SYN3: variants seen among roughly 807,000 people sequenced by gnomAD.
The protein encoded by SYN3 is synapsin-3.
In SYN3, 35 loss-of-function variants were observed where a neutral mutation model predicts 65.8. That is an observed-to-expected ratio of 0.53 (90% CI 0.41 to 0.70). The LOEUF is 0.70. Among genes scored for constraint, SYN3 ranks in the 30% least tolerant of loss-of-function variants. SYN3 has a pLI of 0.00. For missense variants in SYN3, 680 were observed against 749.0 expected (o/e 0.91, Z 1.08); for synonymous variants, 270 against 292.9 (o/e 0.92, Z 0.80).
intron 3 of SYN3, among the ~76,000 whole-genome samples, chr22:32,963,703 G>A (rs1434441093): frequency 1.3e-5 from 2 of 152,172 alleles, no homozygotes; most frequent in Non-Finnish European, 2.9e-5. Flanking sequence ...GAAAAGAGAG[G>A]TGGTGAGAAA....
intron 4 of SYN3, 80 bp downstream of exon 4, chr22:32,931,310 G>C: frequency 1.1e-6 from 1 of 921,312 alleles, no homozygotes. Context: ...TAGGTCGCAG[G>C]AAGTGGACGG....
intron 6 of SYN3, among the ~76,000 whole-genome samples, chr22:32,792,507 A>G (rs1335918432): frequency 6.6e-6 from 1 of 152,182 alleles, no homozygotes; most frequent in Non-Finnish European, 1.5e-5. Context: ...TAGCTGTTAA[A>G]ATATACTGAT....
rs113942464 is a variant in SYN3, at chr22:33,046,927, G to A, written c.-163+11365C>T. Among the ~76,000 whole-genome samples, 92 of 149,036 alleles carry A rather than the reference G, an allele frequency of 6.2e-4. 1 individual carries two copies. The Middle Eastern group carries it at 0.014, about 23-fold the overall frequency. ...CAGGCCTGGCTTTGGGAACCTCTCTGAAGACATCTTCTCCAACTCTCCCTT... is the reference window on the plus strand; with the variant it reads ...CAGGCCTGGCTTTGGGAACCTCTCTAAAGACATCTTCTCCAACTCTCCCTT... On this transcript the variant is annotated intron_variant, in intron 1 of 13. Transcript: ENST00000358763.
At chr22:32,991,350 T>TAATAATAATAATA (rs1308345758) in intron 2 of SYN3, among the ~76,000 whole-genome samples, 1 of 147,710 alleles carries the variant, frequency 6.8e-6, no homozygotes, top group Non-Finnish European at 1.5e-5. Flanking sequence ...ATAATAATAA[T>TAATAATAATAATA]AATAATAATA....
At chr22:32,529,190 G>A in intron 10 of SYN3, 182 bp from the exon 11 acceptor site, 1 of 658,624 alleles carries the variant, frequency 1.5e-6, no homozygotes, top group Non-Finnish European at 2.6e-6. Context: ...CTTCGGTTCA[G>A]TCTAAACCAC....
At chr22:32,755,288 G>A (rs1384090313) in intron 6 of SYN3, among the ~76,000 whole-genome samples, 1 of 152,190 alleles carries the variant, frequency 6.6e-6, no homozygotes, top group African/African-American at 2.4e-5. Flanking sequence ...GCATCTCCAG[G>A]TTCAAAACAG....
intron 4 of SYN3, among the ~76,000 whole-genome samples, chr22:32,872,350 T>C (rs1262098088): frequency 6.6e-6 from 1 of 152,174 alleles, no homozygotes; most frequent in Non-Finnish European, 1.5e-5. Flanking sequence ...GAGGGATCAC[T>C]TTCCCTGCGA....
At chr22:32,848,020 A>G (rs2048118277) in intron 6 of SYN3, among the ~76,000 whole-genome samples, 1 of 151,904 alleles carries the variant, frequency 6.6e-6, no homozygotes, top group Admixed American at 6.6e-5. Context: ...AATGAATGTT[A>G]CTCTCTGCAA....
At chr22:32,662,463 C>T (rs987107893) in intron 6 of SYN3, among the ~76,000 whole-genome samples, 1 of 152,156 alleles carries the variant, frequency 6.6e-6, no homozygotes, top group South Asian at 2.1e-4. Context: ...ATTTTATTAC[C>T]AAGTAACTAT....
chr22:32,750,276 G>A (rs1375968082), intron 6 of SYN3, among the ~76,000 whole-genome samples: 1 of 152,224 alleles, frequency 6.6e-6, no homozygotes. Flanking sequence ...CCCTCTATGA[G>A]AAAGCAGTAT....
chr22:32,951,727 G>C (rs747863731), intron 3 of SYN3, among the ~76,000 whole-genome samples: 37 of 152,230 alleles, frequency 2.4e-4, no homozygotes, highest in Non-Finnish European at 4.7e-4. Context: ...CTGGTGGGCA[G>C]GAGGTGACAT....
chr22:32,633,354 G>A (rs1042561203), intron 6 of SYN3, among the ~76,000 whole-genome samples: 1 of 152,198 alleles, frequency 6.6e-6, no homozygotes, highest in Non-Finnish European at 1.5e-5. Context: ...AAGTGGCAGA[G>A]CCCCTGGGGT....
At chr22:32,856,317 G>C (rs945556747) in intron 6 of SYN3, among the ~76,000 whole-genome samples, 1 of 152,146 alleles carries the variant, frequency 6.6e-6, no homozygotes, top group Admixed American at 6.5e-5. Flanking sequence ...GTTGGAATGG[G>C]GGGTATGGCT....
intron 4 of SYN3, among the ~76,000 whole-genome samples, chr22:32,921,213 A>AC (rs2050326804): frequency 6.6e-6 from 1 of 152,214 alleles, no homozygotes; most frequent in African/African-American, 2.4e-5. Flanking sequence ...CCTGGAACAT[A>AC]GTAGGTCCTT....
intron 6 of SYN3, among the ~76,000 whole-genome samples, chr22:32,708,182 G>T (rs5754225): frequency 6.6e-6 from 1 of 152,246 alleles, no homozygotes; most frequent in Non-Finnish European, 1.5e-5. Context: ...AGCAGGCAGT[G>T]GTGTGGCCAC....
chr22:32,635,793 C>T (rs1247543212), intron 6 of SYN3, among the ~76,000 whole-genome samples: 2 of 152,102 alleles, frequency 1.3e-5, no homozygotes, highest in African/African-American at 4.8e-5. Context: ...ATGCAAATTT[C>T]CCGAATCTCC....
intron 4 of SYN3, among the ~76,000 whole-genome samples, chr22:32,922,189 A>G (rs1402594633): frequency 1.3e-5 from 2 of 152,200 alleles, no homozygotes; most frequent in East Asian, 3.9e-4. Context: ...TGGCATTCAT[A>G]GTAGGAGACA....
At chr22:33,033,688 A>G (rs1352019248) in intron 1 of SYN3, among the ~76,000 whole-genome samples, 1 of 152,090 alleles carries the variant, frequency 6.6e-6, no homozygotes, top group Non-Finnish European at 1.5e-5. Context: ...GGGCTGGTAG[A>G]AACAGTTTCT....
intron 6 of SYN3, among the ~76,000 whole-genome samples, chr22:32,728,688 C>T (rs974553853): frequency 6.6e-6 from 1 of 152,174 alleles, no homozygotes; most frequent in African/African-American, 2.4e-5. Flanking sequence ...GGATGTGTTA[C>T]TGAGTTGGTT....
Sources: gnomAD v4.1 joint callset for allele counts (sites outside exome capture counted in the v4.1 genomes callset) on GRCh38, gnomAD v4.1.1 for gene constraint, MANE v1.5 for transcripts, NCBI Gene and HGNC (gene_info 2026-07-23, HGNC 2026-07-21) for gene names.